The following ILDR2 variants were observed in gnomAD, a reference collection of about 807,000 sequenced individuals.
ILDR2 encodes the protein immunoglobulin like domain containing receptor 2, also known as immunoglobulin-like domain-containing receptor 2.
Under a neutral mutation model 66.8 loss-of-function variants are expected in ILDR2, and 25 were observed. The ratio of observed to expected loss-of-function variants is 0.37; its 90% CI spans 0.27 to 0.52. The LOEUF (loss-of-function observed/expected upper bound fraction) is 0.52. ILDR2 is among the 20% of genes least tolerant of loss of function. ILDR2 has a pLI of 0.88. For synonymous variants in ILDR2, 367 were observed against 357.2 expected, an observed-to-expected ratio of 1.03 and a Z score of -0.31; for missense variants, 827 against 876.8, an observed-to-expected ratio of 0.94 and a Z score of 0.72.
intron 6 of ILDR2, among the ~76,000 whole-genome samples, chr1:166,933,001 CA>C (rs141151464): frequency 0.012 from 1,885 of 152,310 alleles, 30 homozygotes; most frequent in African/African-American, 0.043. Flanking sequence ...ACCATGAGTA[CA>C]GAAGCATGCC....
At chr1:166,959,830 G>A (rs796314363) in intron 1 of ILDR2, among the ~76,000 whole-genome samples, 5 of 152,266 alleles carry the variant, frequency 3.3e-5, no homozygotes, top group African/African-American at 1.2e-4. Flanking sequence ...GAAATATGAT[G>A]AGAGGCAGAA....
At chr1:166,937,206 A>C (rs1661037468) in intron 4 of ILDR2, among the ~76,000 whole-genome samples, 2 of 152,174 alleles carry the variant, frequency 1.3e-5, no homozygotes, top group Non-Finnish European at 2.9e-5. Context: ...CTGAGGAAAC[A>C]GTCTCTATGT....
chr1:166,904,117 G>A (rs764239088), downstream of ILDR2, among the ~76,000 whole-genome samples: 3 of 152,156 alleles, frequency 2.0e-5, no homozygotes, highest in Non-Finnish European at 4.4e-5. Context: ...CCAAACCATT[G>A]TATAGACATA....
intron 1 of ILDR2, among the ~76,000 whole-genome samples, chr1:166,963,917 C>G (rs538367026): frequency 5.3e-5 from 8 of 152,226 alleles, no homozygotes; most frequent in African/African-American, 1.4e-4. Flanking sequence ...AGTCCAGGCA[C>G]TGGTAACACC....
chr1:166,904,391 CATGGCTTGCACTGT>C (rs1659307630), downstream of ILDR2, among the ~76,000 whole-genome samples: 1 of 152,238 alleles, frequency 6.6e-6, no homozygotes, highest in Non-Finnish European at 1.5e-5. Flanking sequence ...CAGGCAGCCA[CATGGCTTGCACTGT>C]ATCAATTGAC....
chr1:166,953,116 G>T (rs934215874), intron 3 of ILDR2, among the ~76,000 whole-genome samples: 2 of 152,074 alleles, frequency 1.3e-5, no homozygotes, highest in East Asian at 3.9e-4. Context: ...TTACTTTGGA[G>T]AATTAATTCT....
At chr1:166,901,476 G>A (rs888751869) in intron 2 of ILDR2, among the ~76,000 whole-genome samples, 6 of 152,158 alleles carry the variant, frequency 3.9e-5, no homozygotes, top group African/African-American at 1.2e-4. Flanking sequence ...GAGCAGGTGA[G>A]GCTTTGACAC....
chr1:166,926,796 G>A (rs1253454189), intron 7 of ILDR2, among the ~76,000 whole-genome samples: 1 of 151,950 alleles, frequency 6.6e-6, no homozygotes, highest in Non-Finnish European at 1.5e-5. Flanking sequence ...TATCCATGGG[G>A]CATGGATAAC....
chr1:166,948,747 A>C (rs2101948859), intron 3 of ILDR2, among the ~76,000 whole-genome samples: 1 of 152,350 alleles, frequency 6.6e-6, no homozygotes, highest in South Asian at 2.1e-4. Context: ...AATGGGCTAA[A>C]GGAAAATCAG....
Position 166,914,725 on chromosome 1 carries a change from TA to T in ILDR2, c.*4629del, listed in dbSNP as rs1477290466. ...TTCATAGATCAATTCCCCAGATGAC[TA>T]GGGGGTAGGATAATGGCAGAAAAAA... On this transcript the variant is annotated 3_prime_UTR_variant, in exon 10 of 10. Transcript: ENST00000271417. 1 of 152,338 alleles carries T rather than the reference TA, an allele frequency of 6.6e-6. No homozygotes were observed. The highest frequency in any genetic ancestry group is 1.9e-4 in the East Asian group (1 of 5,186). The allele number at this position is 152,338 out of a possible 1,614,324, so 9.4% of individuals were successfully genotyped here. A position where few individuals can be genotyped will look rare whatever the true frequency, so the allele number is the denominator to read the frequency against.
Position 166,921,069 on chromosome 1 carries a change from C to A in ILDR2, c.1522G>T (p.Ala508Ser), listed in dbSNP as rs1218222224. 6 of 1,489,730 alleles carry A rather than the reference C, an allele frequency of 4.0e-6. No homozygotes were observed. The highest frequency in any genetic ancestry group is 1.5e-5 in the African/African-American group (1 of 68,718). The allele number at this position is 1,489,730 out of a possible 1,614,324, so 92.3% of individuals were successfully genotyped here. Reference protein sequence around the residue: ...SPARRRPAEDAHLPRLVSRTP... With the variant: ...SPARRRPAEDSHLPRLVSRTP... Reference sequence around the variant, plus strand: ...CGGCTCACCAGCCGCGGCAGGTGCGCGTCCTCGGCGGGTCTGCGGCGCGCG... The same window carrying A: ...CGGCTCACCAGCCGCGGCAGGTGCGAGTCCTCGGCGGGTCTGCGGCGCGCG... The change falls in exon 9 of 10, where the codon GCG becomes TCG. Residue 508 changes from alanine to serine, a missense_variant. Transcript: ENST00000271417. The surrounding 1 kb of genome is among the most constrained non-coding windows in gnomAD (Gnocchi z 5.3).
At chr1:166,951,674 A>G (rs61815132) in intron 3 of ILDR2, among the ~76,000 whole-genome samples, 24,308 of 152,214 alleles carry the variant, frequency 0.16, 2,201 homozygotes, top group Non-Finnish European at 0.2. Context: ...TATTTGAGGT[A>G]TCACCCTCAA....
chr1:166,935,372 G>C lies in ILDR2; in HGVS notation c.809C>G (p.Ser270Cys). Residue 270 changes from serine (S) to cysteine (C), a missense_variant, in exon 6 of 10, where the codon TCT becomes TGT. Ser to Cys is a moderately radical substitution (Grantham distance 112). This residue lies in a region of ILDR2 where 437 missense variants were observed against 523.2 expected (regional missense o/e 0.84). Transcript: ENST00000271417. The part of the protein sequence containing the change: ...PSVPLGGAPS[S>C]GMLMDKPHPP... The stretch of plus-strand genomic sequence containing the variant: ...ATGCGGCTTGTCCATCAGCATGCCA[G>C]ATGAGGGGGCTCCTCCCAAAGGGAC... 6.2e-7 allele frequency: 1 copy of C among 1,614,120 alleles called. No individual in the cohort carries two copies. The highest frequency in any genetic ancestry group is 8.5e-7 in the Non-Finnish European group (1 of 1,180,032).
At position 166,916,539 on chromosome 1, in the gene ILDR2, G is replaced by C. The variant is rs760961901; in HGVS notation, c.*2816C>G. The C allele has an allele frequency of 1.3e-5, 2 of 152,210 alleles. No homozygotes were observed. The highest frequency in any genetic ancestry group is 4.8e-5 in the African/African-American group (2 of 41,448). 9.4% of individuals were successfully genotyped at this position (152,210 alleles called of 1,614,324 possible). A position where few individuals can be genotyped will look rare whatever the true frequency, so the allele number is the denominator to read the frequency against. On this transcript the variant is annotated 3_prime_UTR_variant, in exon 10 of 10. Transcript: ENST00000271417. Reference sequence around the variant, plus strand: ...AACAAATATAACCATTTCCTGTGCAGGACACACTATTCAAAGGAGAAGAAA... The same window carrying C: ...AACAAATATAACCATTTCCTGTGCACGACACACTATTCAAAGGAGAAGAAA...
At chr1:166,951,801 T>C (rs1470519760) in intron 3 of ILDR2, among the ~76,000 whole-genome samples, 1 of 152,184 alleles carries the variant, frequency 6.6e-6, no homozygotes, top group Non-Finnish European at 1.5e-5. Context: ...TGTTCCATAT[T>C]AAAAGTTCAT....
intron 7 of ILDR2, among the ~76,000 whole-genome samples, chr1:166,924,767 C>A (rs1660175365): frequency 1.3e-5 from 2 of 152,186 alleles, no homozygotes; most frequent in Admixed American, 6.5e-5. Context: ...ATAATCCCAG[C>A]ACTTTGTGAG....
chr1:166,967,308 G>A (rs1252795278), intron 1 of ILDR2, among the ~76,000 whole-genome samples: 1 of 152,182 alleles, frequency 6.6e-6, no homozygotes, highest in Non-Finnish European at 1.5e-5. Context: ...GACTCTTACA[G>A]GAGAGAGAAA....
chr1:166,949,264 T>C (rs184107700), intron 3 of ILDR2, among the ~76,000 whole-genome samples: 1 of 152,384 alleles, frequency 6.6e-6, no homozygotes. Flanking sequence ...CATTGCCAAA[T>C]ATCTCCTGGA....
intron 1 of ILDR2, among the ~76,000 whole-genome samples, chr1:166,965,237 T>G (rs1199545038): frequency 6.6e-6 from 1 of 152,212 alleles, no homozygotes; most frequent in South Asian, 2.1e-4. Flanking sequence ...TCAGATTTTT[T>G]TGGATTTTGC....
Sources: gnomAD v4.1 joint callset for allele counts (sites outside exome capture counted in the v4.1 genomes callset) on GRCh38, gnomAD v4.1.1 for gene constraint, gnomAD v4.1.1 regional missense constraint, Gnocchi (gnomAD v3.1) non-coding constraint, MANE v1.5 for transcripts, NCBI Gene and HGNC (gene_info 2026-07-23, HGNC 2026-07-21) for gene names.